Variants in EHMT2 observed in about 807,000 individuals in gnomAD.
The protein encoded by EHMT2 is euchromatic histone lysine methyltransferase 2.
Under a neutral mutation model 143.3 loss-of-function variants are expected in EHMT2, and 59 were observed. The ratio of observed to expected loss-of-function variants is 0.41; its 90% CI spans 0.33 to 0.51. EHMT2 has a LOEUF of 0.51. Ranked by LOEUF, EHMT2 falls within the 20% of genes least tolerant of loss-of-function variation. EHMT2 has a pLI of 0.18. For synonymous variants in EHMT2, 604 were observed against 651.5 expected (o/e 0.93, Z 1.11); for missense variants, 1,174 against 1,645.9 (o/e 0.71, Z 4.96).
intron 4 of EHMT2, chr6:31,895,556 G>A (rs1317738601): frequency 1.3e-5 from 2 of 151,970 alleles, no homozygotes; most frequent in East Asian, 3.9e-4. Context: ...AGCACTTTGC[G>A]AGGTCAAGGC....
chr6:31,884,890 C>T lies in EHMT2; in HGVS notation c.2448+22G>A. ...TGCTCAGGGGCCTGGGGCTGCCCTACCTCAACCAAACGCTCACTCACGTTG... is the reference window on the plus strand; with the variant it reads ...TGCTCAGGGGCCTGGGGCTGCCCTATCTCAACCAAACGCTCACTCACGTTG... On this transcript the variant is annotated intron_variant, in intron 19 of 27. Transcript: ENST00000375537. The surrounding 1 kb of genome is among the most constrained non-coding windows in gnomAD (Gnocchi z 7.3). The T allele has an allele frequency of 6.3e-7, 1 of 1,593,762 alleles. No individual in the cohort carries two copies.
Position 31,884,133 on chromosome 6 carries a change from T to C in EHMT2, c.2772-183A>G. 1 of 753,984 alleles carries C rather than the reference T, an allele frequency of 1.3e-6. No individual in the cohort carries two copies. The highest frequency in any genetic ancestry group is 2.0e-5 in the South Asian group (1 of 50,746). The allele number at this position is 753,984 out of a possible 1,614,324, so 46.7% of individuals were successfully genotyped here. A position where few individuals can be genotyped will look rare whatever the true frequency, so the allele number is the denominator to read the frequency against. ...ATAAACAAGAAATAGCTTTTTAGTA[T>C]GTCCCAAAAATTACACAGGACATTC... On this transcript the variant is annotated intron_variant, in intron 21 of 27. Coordinates refer to ENST00000375537, the Ensembl canonical transcript of EHMT2. The surrounding 1 kb of genome is among the most constrained non-coding windows in gnomAD (Gnocchi z 7.3).
At position 31,884,689 on chromosome 6, in the gene EHMT2, G is replaced by A. The variant is rs1297564948; in HGVS notation, c.2559C>T (p.Thr853=). 6.9e-6 allele frequency: 11 copies of A among 1,585,546 alleles called. No individual in the cohort carries two copies. The highest frequency in any genetic ancestry group is 2.3e-5 in the South Asian group (2 of 88,242). The change falls in exon 20 of 28, where the codon ACC becomes ACT. Residue 853 remains threonine, a synonymous_variant. Coordinates refer to ENST00000375537, the Ensembl canonical transcript of EHMT2. The surrounding 1 kb of genome is among the most constrained non-coding windows in gnomAD (Gnocchi z 7.3). Reference sequence around the variant, plus strand: ...TCTCCCGAGCTGCGATGTGCAGGGGGGTGTCCCCATGGTAGTTGACAGCAT... The same window carrying A: ...TCTCCCGAGCTGCGATGTGCAGGGGAGTGTCCCCATGGTAGTTGACAGCAT...
In EHMT2 at chr6:31,886,899, T is replaced by C; in HGVS notation, c.2119-2A>G. On this transcript the variant is annotated splice_acceptor_variant, in intron 16 of 27. Transcript: ENST00000375537. LOFTEE classifies it high-confidence loss of function. ...CACTGCATTTATGTTGGCTCCAGCC[T>C]GTGAGGGGGCAGGAGGGCTGGCACC... is the stretch of plus-strand genomic sequence containing the variant. 1 of 1,613,880 alleles carries C rather than the reference T, an allele frequency of 6.2e-7. No homozygotes were observed. The highest frequency in any genetic ancestry group is 8.5e-7 in the Non-Finnish European group (1 of 1,179,938).
In EHMT2 at chr6:31,889,442, TG is replaced by T. The variant is rs1173848397; in HGVS notation, c.999+25del. ...CCAGCCCCATAGTCTCCCACTCCTC[TG>T]GAGATATCAGCCTCCGTCTCTTACC... On this transcript the variant is annotated intron_variant, in intron 8 of 27. Coordinates refer to ENST00000375537, the Ensembl canonical transcript of EHMT2. The surrounding 1 kb of genome is among the most constrained non-coding windows in gnomAD (Gnocchi z 5.1). The T allele has an allele frequency of 1.2e-6, 2 of 1,611,864 alleles. No individual in the cohort carries two copies. Among genetic ancestry groups the T allele is most frequent in the Non-Finnish European group, 1.7e-6 (2 of 1,179,440 alleles).
chr6:31,887,605 G>A (rs756088089), exon 15 of EHMT2: 49 of 1,612,944 alleles, frequency 3.0e-5, no homozygotes, highest in Non-Finnish European at 3.6e-5. Flanking sequence ...TCTGCAGCTC[G>A]CCCTGCTTCA....
rs1764516162 is a variant in EHMT2, at chr6:31,884,321, G to A, written c.2771+71C>T. 2.0e-6 allele frequency: 3 copies of A among 1,504,100 alleles called. No homozygotes were observed. 93.2% of individuals were successfully genotyped at this position (1,504,100 alleles called of 1,614,324 possible). A position where few individuals can be genotyped will look rare whatever the true frequency, so the allele number is the denominator to read the frequency against. ...AGGGGTTGGGGAATGTTGTGAGGAT[G>A]CAATGGAGCCTGGGGAGGGTATGGG... On this transcript the variant is annotated intron_variant, in intron 21 of 27. Transcript: ENST00000375537. The surrounding 1 kb of genome is among the most constrained non-coding windows in gnomAD (Gnocchi z 7.3).
rs1338569672 is a variant in EHMT2 at position 31,884,087 on chromosome 6, C to T, written c.2772-137G>A. 6 of 953,120 alleles carry T rather than the reference C, an allele frequency of 6.3e-6. No homozygotes were observed. Among genetic ancestry groups the T allele is most frequent in the African/African-American group, 5.0e-5 (3 of 60,322 alleles). 59.0% of individuals were successfully genotyped at this position (953,120 alleles called of 1,614,324 possible). On this transcript the variant is annotated intron_variant, in intron 21 of 27. Transcript: ENST00000375537. This position sits in a 1 kb window ranked among gnomAD's most constrained non-coding sequence, Gnocchi z 7.3. ...GGTTGCCAGGTAAGATGCAGGACAG[C>T]GAGTTAACATAGAATTTTAGATAAA...
exon 25 of EHMT2, chr6:31,882,720 G>A: frequency 1.2e-6 from 2 of 1,612,612 alleles, no homozygotes; most frequent in Non-Finnish European, 8.5e-7. Context: ...GGTCCCCTGT[G>A]GGATGGTCTG....
chr6:31,892,704 C>T, exon 6 of EHMT2: 1 of 1,613,134 alleles, frequency 6.2e-7, no homozygotes, highest in Non-Finnish European at 8.5e-7. Context: ...CAGGCCACCT[C>T]CTGAGTTCAG....
Position 31,888,318 on chromosome 6 carries a change from C to G in EHMT2, c.1510-42G>C. On this transcript the variant is annotated intron_variant, in intron 12 of 27. Coordinates refer to ENST00000375537, the Ensembl canonical transcript of EHMT2. This position sits in a 1 kb window ranked among gnomAD's most constrained non-coding sequence, Gnocchi z 7.4. The stretch of plus-strand genomic sequence containing the variant: ...GACATGGTCAGGTTACTGGGGCCCC[C>G]TCTGCCACAGGGCATGCTACCTGTC... The G allele has an allele frequency of 4.3e-6, 7 of 1,611,726 alleles. No individual in the cohort carries two copies. The highest frequency in any genetic ancestry group is 5.9e-6 in the Non-Finnish European group (7 of 1,179,214).
chr6:31,896,151 C>A, intron 4 of EHMT2, 112 bp downstream of exon 4: 1 of 1,433,048 alleles, frequency 7.0e-7, no homozygotes. Flanking sequence ...CACACAGCAG[C>A]CCCTTGCTTA....
In EHMT2 at chr6:31,881,987, C is replaced by T. The variant is rs1764162444; in HGVS notation, c.3197+712G>A. On this transcript the variant is annotated intron_variant, in intron 25 of 27. Coordinates refer to ENST00000375537, the Ensembl canonical transcript of EHMT2. The surrounding 1 kb of genome is among the most constrained non-coding windows in gnomAD (Gnocchi z 4.8). ...GGGTGTGGTGGTGCGCACCTGTAAT[C>T]CCAGCTACTTGGGAGGCTGAGGCAG... Among the ~76,000 whole-genome samples the T allele has an allele frequency of 6.6e-6, 1 of 152,016 alleles. No individual in the cohort carries two copies. The highest frequency in any genetic ancestry group is 1.5e-5 in the Non-Finnish European group (1 of 68,010).
At position 31,880,471 on chromosome 6, in the gene EHMT2, C is replaced by A. The variant is rs1313173789; in HGVS notation, c.3452+202G>T. The A allele has an allele frequency of 1.2e-6, 1 of 832,970 alleles. No homozygotes were observed. Among genetic ancestry groups the A allele is most frequent in the African/African-American group, 1.7e-5 (1 of 58,098 alleles). 51.6% of individuals were successfully genotyped at this position (832,970 alleles called of 1,614,324 possible). On this transcript the variant is annotated intron_variant, in intron 27 of 27. Coordinates refer to ENST00000375537, the Ensembl canonical transcript of EHMT2. This position sits in a 1 kb window ranked among gnomAD's most constrained non-coding sequence, Gnocchi z 6.6. ...AGAAATGCAGAATCCTGGGCCCCATCCCAAGCCTACTGATTCAAAATCTCT... is the reference window on the plus strand; with the variant it reads ...AGAAATGCAGAATCCTGGGCCCCATACCAAGCCTACTGATTCAAAATCTCT...
rs1764010258 is a variant in EHMT2, at chr6:31,880,792, G to A, written c.3333C>T (p.Ile1111=). The change falls in exon 27 of 28, where the codon ATC becomes ATT. Residue 1111 remains isoleucine, a synonymous_variant. Transcript: ENST00000375537. This position sits in a 1 kb window ranked among gnomAD's most constrained non-coding sequence, Gnocchi z 6.6. ...TGATGTTGGGGTCACACAGGTGGTT[G>A]ATGAAGCGGCTGATGTTGCCATAGT... The A allele has an allele frequency of 6.2e-7, 1 of 1,613,856 alleles. No individual in the cohort carries two copies. Among genetic ancestry groups the A allele is most frequent in the Admixed American group, 1.7e-5 (1 of 60,010 alleles).
At chr6:31,894,107 T>C (rs1460195479) in intron 4 of EHMT2, among the ~76,000 whole-genome samples, 2 of 151,918 alleles carry the variant, frequency 1.3e-5, no homozygotes, top group African/African-American at 4.8e-5. Flanking sequence ...CCTGAGTAGC[T>C]GGAACTACAG....
Position 31,888,299 on chromosome 6 carries a change from G to A in EHMT2, c.1510-23C>T. On this transcript the variant is annotated intron_variant, in intron 12 of 27. Coordinates refer to ENST00000375537, the Ensembl canonical transcript of EHMT2. The surrounding 1 kb of genome is among the most constrained non-coding windows in gnomAD (Gnocchi z 7.4). ...GCCCTGGGAGCAGGGAAACGACATG[G>A]TCAGGTTACTGGGGCCCCCTCTGCC... 6.2e-7 allele frequency: 1 copy of A among 1,612,328 alleles called. No homozygotes were observed.
At position 31,889,167 on chromosome 6, in the gene EHMT2, A is replaced by T; in HGVS notation, c.1114+61T>A. ...CATGCGAGAGCGTGTGTGTGCGTGCACACACTCTGGGGGGCCGGGCGGGGG... is the reference window on the plus strand; with the variant it reads ...CATGCGAGAGCGTGTGTGTGCGTGCTCACACTCTGGGGGGCCGGGCGGGGG... On this transcript the variant is annotated intron_variant, in intron 9 of 27. Transcript: ENST00000375537. This position sits in a 1 kb window ranked among gnomAD's most constrained non-coding sequence, Gnocchi z 5.1. 1 of 1,556,564 alleles carries T rather than the reference A, an allele frequency of 6.4e-7. No individual in the cohort carries two copies. The highest frequency in any genetic ancestry group is 1.8e-4 in the Middle Eastern group (1 of 5,442).
rs1163232420 is a variant in EHMT2, at chr6:31,884,343, T to C, written c.2771+49A>G. On this transcript the variant is annotated intron_variant, in intron 21 of 27. Transcript: ENST00000375537. This position sits in a 1 kb window ranked among gnomAD's most constrained non-coding sequence, Gnocchi z 7.3. The stretch of plus-strand genomic sequence containing the variant: ...GATGCAATGGAGCCTGGGGAGGGTA[T>C]GGGTGGGGAGGAGGTGGTCTTGGGT... 2 of 1,343,354 alleles carry C rather than the reference T, an allele frequency of 1.5e-6. No homozygotes were observed. Among genetic ancestry groups the C allele is most frequent in the African/African-American group, 1.7e-5 (1 of 59,592 alleles). The allele number at this position is 1,343,354 out of a possible 1,614,324, so 83.2% of individuals were successfully genotyped here. A position where few individuals can be genotyped will look rare whatever the true frequency, so the allele number is the denominator to read the frequency against.
Sources: allele counts gnomAD v4.1 joint callset (sites outside exome capture counted in the v4.1 genomes callset), GRCh38; gene constraint gnomAD v4.1.1; non-coding constraint Gnocchi (gnomAD v3.1); transcripts MANE v1.5; gene names NCBI Gene and HGNC (gene_info 2026-07-23, HGNC 2026-07-21).